CTNNBL1: variants seen among roughly 807,000 people sequenced by gnomAD.
CTNNBL1 encodes beta-catenin-like protein 1.
In CTNNBL1, 31 loss-of-function variants were observed where a neutral mutation model predicts 72.7. That is an observed-to-expected ratio of 0.43 (90% CI 0.32 to 0.58). The LOEUF (loss-of-function observed/expected upper bound fraction) is 0.58. CTNNBL1 is among the 20% of genes least tolerant of loss of function. The probability of loss-of-function intolerance (pLI) is 0.08; values close to 1 mark genes in which losing one functional copy is unlikely to be tolerated. For missense variants in CTNNBL1, 534 were observed against 725.1 expected, an observed-to-expected ratio of 0.74 and a Z score of 3.03; for synonymous variants, 240 against 267.3, an observed-to-expected ratio of 0.90 and a Z score of 1.00.
chr20:37,756,307 C>T (rs1289103979), intron 4 of CTNNBL1: 1 of 152,014 alleles, frequency 6.6e-6, no homozygotes, highest in Non-Finnish European at 1.5e-5. Context: ...AAACTGAGGC[C>T]CAGAATGAAG....
chr20:37,773,023 T>C (rs1568773697), intron 7 of CTNNBL1, among the ~76,000 whole-genome samples: 1 of 152,220 alleles, frequency 6.6e-6, no homozygotes, highest in East Asian at 1.9e-4. Context: ...ACAATTAATG[T>C]TTTTAATGGG....
rs373785521 is a variant in CTNNBL1 at position 37,802,848 on chromosome 20, A to G, written c.1032-19A>G. The G allele has an allele frequency of 5.6e-6, 9 of 1,595,036 alleles. No homozygotes were observed. In the African/African-American group the frequency reaches 1.1e-4, roughly 19 times the overall value. ...ATTTCCCCATGAAATACCTTATCTG[A>G]AACCTCTTTTGTTCACAGGGAAAAG... On this transcript the variant is annotated intron_variant, in intron 10 of 15. Transcript: ENST00000361383.
At chr20:37,749,541 G>T (rs1478418588) in intron 4 of CTNNBL1, among the ~76,000 whole-genome samples, 3 of 148,572 alleles carry the variant, frequency 2.0e-5, no homozygotes, top group Admixed American at 6.7e-5. Context: ...GAGCTAAACT[G>T]TTTTTTTTTT....
chr20:37,776,634 C>T (rs2073575991), intron 7 of CTNNBL1, among the ~76,000 whole-genome samples: 1 of 152,022 alleles, frequency 6.6e-6, no homozygotes, highest in Admixed American at 6.6e-5. Context: ...GTCTCACTAC[C>T]GAAGCAACAC....
intron 3 of CTNNBL1, among the ~76,000 whole-genome samples, chr20:37,738,148 C>T (rs1162721958): frequency 4.6e-5 from 7 of 152,172 alleles, no homozygotes. Flanking sequence ...TCGTGCCTGC[C>T]GTTAGTGATA....
At chr20:37,696,221 A>G (rs2072790150) in intron 1 of CTNNBL1, among the ~76,000 whole-genome samples, 1 of 152,186 alleles carries the variant, frequency 6.6e-6, no homozygotes, top group Non-Finnish European at 1.5e-5. Flanking sequence ...GGAAGTTACA[A>G]GATAATAAGT....
intron 1 of CTNNBL1, among the ~76,000 whole-genome samples, chr20:37,719,622 A>C (rs1298999429): frequency 6.6e-6 from 1 of 152,160 alleles, no homozygotes; most frequent in African/African-American, 2.4e-5. Flanking sequence ...TCTCCCCTTC[A>C]TGTTCACAAG....
rs539181099 is a variant in CTNNBL1 at position 37,695,486 on chromosome 20, A to C, written c.30+1334A>C. ...TGGGATTACAGGTATGAGCCACCAC[A>C]CACCACACTCAGCCAATAAAATATG... On this transcript the variant is annotated intron_variant, in intron 1 of 15. Coordinates refer to ENST00000361383, the MANE Select transcript of CTNNBL1 (RefSeq NM_030877.5). Among the ~76,000 whole-genome samples, 3 of 152,292 alleles carry C rather than the reference A, an allele frequency of 2.0e-5. No homozygotes were observed. In the East Asian group the frequency reaches 5.8e-4, roughly 29 times the overall value.
chr20:37,736,758 G>A (rs2073174896), intron 2 of CTNNBL1, among the ~76,000 whole-genome samples: 1 of 151,936 alleles, frequency 6.6e-6, no homozygotes, highest in Admixed American at 6.6e-5. Context: ...CTGACCTCAA[G>A]TGATCTGCCC....
intron 1 of CTNNBL1, among the ~76,000 whole-genome samples, chr20:37,704,949 C>T (rs926158630): frequency 3.9e-5 from 6 of 152,216 alleles, no homozygotes; most frequent in Admixed American, 6.5e-5. Context: ...TCTGCAGTCT[C>T]TCAGTAGTTG....
chr20:37,825,691 A>G, intron 11 of CTNNBL1, among the ~76,000 whole-genome samples: 1 of 152,148 alleles, frequency 6.6e-6, no homozygotes, highest in South Asian at 2.1e-4. Flanking sequence ...AAAAAGTAGT[A>G]AGAGAATGGA....
chr20:37,857,507 TTCAC>T (rs1423772066), intron 13 of CTNNBL1, among the ~76,000 whole-genome samples: 1 of 152,196 alleles, frequency 6.6e-6, no homozygotes, highest in Non-Finnish European at 1.5e-5. Flanking sequence ...CCCAAGTAGA[TTCAC>T]TCATTTCCAC....
rs528233573 is a variant in CTNNBL1, at chr20:37,702,652, T to C, written c.30+8500T>C. ...CATTTCAGACTGTTTTTCTCTTTCATCTCATGAGTGATTTTTTTCCTTAAG... is the reference window on the plus strand; with the variant it reads ...CATTTCAGACTGTTTTTCTCTTTCACCTCATGAGTGATTTTTTTCCTTAAG... On this transcript the variant is annotated intron_variant, in intron 1 of 15. Transcript: ENST00000361383. 2.9e-4 allele frequency among the ~76,000 whole-genome samples: 44 copies of C among 152,332 alleles called. 1 individual carries two copies. The highest frequency in any genetic ancestry group is 2.5e-3 in the Admixed American group (39 of 15,304).
intron 10 of CTNNBL1, among the ~76,000 whole-genome samples, chr20:37,795,183 G>T (rs2073761974): frequency 1.4e-5 from 2 of 147,910 alleles, no homozygotes; most frequent in Admixed American, 1.4e-4. Flanking sequence ...TGCCCAGGCT[G>T]GCATGCAGTG....
chr20:37,783,232 C>T (rs1160678636), intron 10 of CTNNBL1, among the ~76,000 whole-genome samples: 7 of 152,112 alleles, frequency 4.6e-5, no homozygotes, highest in South Asian at 2.1e-4. Flanking sequence ...TTTTCATTTC[C>T]GGTTTTTATT....
At chr20:37,856,514 A>G (rs1369804279) in intron 13 of CTNNBL1, among the ~76,000 whole-genome samples, 2 of 152,118 alleles carry the variant, frequency 1.3e-5, no homozygotes, top group Admixed American at 6.5e-5. Context: ...AACATGAGCA[A>G]GGCGAGGAGA....
chr20:37,849,576 A>G (rs1371059790), intron 13 of CTNNBL1, among the ~76,000 whole-genome samples: 1 of 152,188 alleles, frequency 6.6e-6, no homozygotes, highest in East Asian at 1.9e-4. Context: ...ATTACTCTGT[A>G]TCCTTCAGAA....
intron 11 of CTNNBL1, among the ~76,000 whole-genome samples, chr20:37,830,463 C>A (rs6123033): frequency 0.81 from 123,716 of 152,026 alleles, 50,392 homozygotes; most frequent in Middle Eastern, 0.89. Flanking sequence ...TTTAAAACTT[C>A]AACAGAGGTT....
intron 11 of CTNNBL1, among the ~76,000 whole-genome samples, chr20:37,819,341 A>C (rs1159078571): frequency 1.3e-5 from 2 of 152,218 alleles, no homozygotes; most frequent in Admixed American, 1.3e-4. Context: ...ATTCATCACA[A>C]TATTTCAGAT....
Sources: allele counts gnomAD v4.1 joint callset (sites outside exome capture counted in the v4.1 genomes callset), GRCh38; gene constraint gnomAD v4.1.1; transcripts MANE v1.5; gene names NCBI Gene and HGNC (gene_info 2026-07-23, HGNC 2026-07-21).